The following MOXD1 variants were observed in gnomAD, a reference collection of about 807,000 sequenced individuals.
MOXD1 encodes the protein monooxygenase DBH like 1.
A neutral mutation model predicts 66.6 loss-of-function variants in MOXD1; 62 were observed. The observed-to-expected ratio is 0.93, with a 90% CI of 0.76 to 1.15. MOXD1 has a LOEUF of 1.15. Ranked by LOEUF, MOXD1 falls within the 50% of genes most tolerant of loss-of-function variation. MOXD1 has a pLI of 0.00. For synonymous variants in MOXD1, 303 were observed against 281.9 expected (o/e 1.07, Z -0.75); for missense variants, 847 against 754.6 (o/e 1.12, Z -1.44).
rs535269999 is a variant in MOXD1 at position 132,297,449 on chromosome 6, G to T, written c.1678-132C>A. 35 of 903,564 alleles carry T rather than the reference G, an allele frequency of 3.9e-5. 1 individual carries two copies. The South Asian group carries it at 5.8e-4, about 15-fold the overall frequency. The allele number at this position is 903,564 out of a possible 1,614,324, so 56.0% of individuals were successfully genotyped here. A position where few individuals can be genotyped will look rare whatever the true frequency, so the allele number is the denominator to read the frequency against. Reference sequence around the variant, plus strand: ...GTGGTTACCAAAGGAGTCACACACTGGGGGAGTCAGAAACCTAGGGTTAAG... The same window carrying T: ...GTGGTTACCAAAGGAGTCACACACTTGGGGAGTCAGAAACCTAGGGTTAAG... On this transcript the variant is annotated intron_variant, in intron 11 of 11. Transcript: ENST00000367963.
At chr6:132,384,640 G>A (rs1776588765) in intron 1 of MOXD1, among the ~76,000 whole-genome samples, 1 of 151,814 alleles carries the variant, frequency 6.6e-6, no homozygotes, top group Non-Finnish European at 1.5e-5. Context: ...ACCACAATTA[G>A]GAACCATCCA....
intron 10 of MOXD1, among the ~76,000 whole-genome samples, chr6:132,302,350 T>C (rs1237420817): frequency 1.3e-5 from 2 of 152,032 alleles, no homozygotes; most frequent in Non-Finnish European, 2.9e-5. Context: ...CTATGTCTAG[T>C]CAAAAAATTA....
chr6:132,378,144 T>A (rs4897578), intron 1 of MOXD1, among the ~76,000 whole-genome samples: 19,117 of 150,978 alleles, frequency 0.13, 1,766 homozygotes, highest in East Asian at 0.45. Context: ...AAAAAAAAAA[T>A]TTTTTTTTCA....
intron 4 of MOXD1, among the ~76,000 whole-genome samples, chr6:132,355,561 T>G (rs1199255030): frequency 6.6e-6 from 1 of 152,204 alleles, no homozygotes; most frequent in Non-Finnish European, 1.5e-5. Flanking sequence ...CATCACCATT[T>G]GAACAAGCCC....
intron 1 of MOXD1, among the ~76,000 whole-genome samples, chr6:132,393,351 G>A (rs935714454): frequency 4.6e-5 from 7 of 152,294 alleles, no homozygotes; most frequent in African/African-American, 1.7e-4. Flanking sequence ...ATCACATTTT[G>A]AATAGATCAT....
chr6:132,368,898 A>T (rs1280003919), intron 4 of MOXD1, among the ~76,000 whole-genome samples: 1 of 152,122 alleles, frequency 6.6e-6, no homozygotes, highest in African/African-American at 2.4e-5. Context: ...CTTAATTTAT[A>T]AATTAGGAGA....
At chr6:132,343,595 A>G (rs1290849534) in intron 4 of MOXD1, among the ~76,000 whole-genome samples, 1 of 152,068 alleles carries the variant, frequency 6.6e-6, no homozygotes, top group Non-Finnish European at 1.5e-5. Flanking sequence ...AGTCCATGGA[A>G]AAGAGATCCA....
chr6:132,400,955 C>G (rs1777009370), intron 1 of MOXD1, among the ~76,000 whole-genome samples: 1 of 152,212 alleles, frequency 6.6e-6, no homozygotes, highest in East Asian at 1.9e-4. Context: ...TGGGGTCATC[C>G]GTGCTCGGCT....
At chr6:132,326,715 A>G (rs1775194933) in intron 6 of MOXD1, among the ~76,000 whole-genome samples, 1 of 152,190 alleles carries the variant, frequency 6.6e-6, no homozygotes, top group Admixed American at 6.5e-5. Context: ...TTCATGGTTC[A>G]GAGTATGGGA....
intron 10 of MOXD1, among the ~76,000 whole-genome samples, chr6:132,299,514 A>G (rs1774483331): frequency 6.6e-6 from 1 of 152,184 alleles, no homozygotes; most frequent in South Asian, 2.1e-4. Flanking sequence ...CAAAAATCAC[A>G]TGCCAAATAT....
Position 132,372,592 on chromosome 6 carries a change from T to C in MOXD1, c.663+16A>G. ...ACTCATGAAAATTAATTTTAGCCTA[T>C]GAATGAGTCACATACCTTTATTACA... is the stretch of plus-strand genomic sequence containing the variant. On this transcript the variant is annotated intron_variant, in intron 4 of 11. Coordinates refer to ENST00000367963, the MANE Select transcript of MOXD1 (RefSeq NM_015529.4). The C allele has an allele frequency of 1.3e-6, 2 of 1,588,674 alleles. No homozygotes were observed. Among genetic ancestry groups the C allele is most frequent in the East Asian group, 4.5e-5 (2 of 44,734 alleles).
At chr6:132,303,006 C>G (rs1006468072) in intron 10 of MOXD1, among the ~76,000 whole-genome samples, 3 of 152,048 alleles carry the variant, frequency 2.0e-5, no homozygotes, top group Non-Finnish European at 2.9e-5. Flanking sequence ...AAACAAAGAA[C>G]GTTGGATTTA....
chr6:132,378,772 G>A (rs1776446419), intron 1 of MOXD1, among the ~76,000 whole-genome samples: 1 of 150,020 alleles, frequency 6.7e-6, no homozygotes, highest in African/African-American at 2.4e-5. Flanking sequence ...AAAATTCTAG[G>A]CCAAGATGCT....
At chr6:132,328,226 C>A in intron 5 of MOXD1, 111 bp from the exon 6 acceptor site, 1 of 1,209,132 alleles carries the variant, frequency 8.3e-7, no homozygotes, top group South Asian at 1.4e-5. Flanking sequence ...GAACCCCATT[C>A]ATCTACAATT....
chr6:132,372,387 C>A (rs1776280112), intron 4 of MOXD1, among the ~76,000 whole-genome samples: 1 of 152,072 alleles, frequency 6.6e-6, no homozygotes, highest in African/African-American at 2.4e-5. Context: ...AAACTTGTAC[C>A]TTTGACATGT....
intron 10 of MOXD1, among the ~76,000 whole-genome samples, chr6:132,299,495 CT>C (rs1194767315): frequency 3.9e-5 from 6 of 152,052 alleles, no homozygotes; most frequent in Non-Finnish European, 7.4e-5. Flanking sequence ...CTGCCTTCAC[CT>C]GCCACTCCAA....
At chr6:132,345,279 A>G (rs1343008893) in intron 4 of MOXD1, among the ~76,000 whole-genome samples, 1 of 152,198 alleles carries the variant, frequency 6.6e-6, no homozygotes, top group Admixed American at 6.5e-5. Context: ...ATTCAGTGTT[A>G]TAGTGTTTTT....
chr6:132,376,734 C>A (rs1194768051), intron 1 of MOXD1, among the ~76,000 whole-genome samples: 1 of 61,682 alleles, frequency 1.6e-5, no homozygotes, highest in Non-Finnish European at 2.4e-5. Flanking sequence ...AGGATGGTCT[C>A]GATCTCCTGA....
At position 132,322,635 on chromosome 6, in the gene MOXD1, T is replaced by C. The variant is rs562534111; in HGVS notation, c.1305+44A>G. 12 of 1,570,598 alleles carry C rather than the reference T, an allele frequency of 7.6e-6. No homozygotes were observed. The East Asian group carries it at 2.5e-4, about 32-fold the overall frequency. ...GCCACATCTCAGCAGATATGTCTCATGACTTTCATAACAGTCAATGAAAAA... is the reference window on the plus strand; with the variant it reads ...GCCACATCTCAGCAGATATGTCTCACGACTTTCATAACAGTCAATGAAAAA... On this transcript the variant is annotated intron_variant, in intron 8 of 11. Coordinates refer to ENST00000367963, the MANE Select transcript of MOXD1 (RefSeq NM_015529.4).
Sources: allele counts gnomAD v4.1 joint callset (sites outside exome capture counted in the v4.1 genomes callset), GRCh38; gene constraint gnomAD v4.1.1; transcripts MANE v1.5; gene names NCBI Gene and HGNC (gene_info 2026-07-23, HGNC 2026-07-21).